Variants in SYT6 observed in about 807,000 individuals in gnomAD.
SYT6 encodes the protein synaptotagmin 6.
SYT6 carries 24 observed loss-of-function variants against 38.4 expected under a neutral mutation model. That is an observed-to-expected ratio of 0.62 (90% CI 0.45 to 0.88). The LOEUF is 0.88. Among genes scored for constraint, SYT6 ranks in the 40% least tolerant of loss-of-function variants. SYT6 has a pLI of 0.00. For missense variants in SYT6, 611 were observed against 621.0 expected, an observed-to-expected ratio of 0.98 and a Z score of 0.17; for synonymous variants, 265 against 241.9, an observed-to-expected ratio of 1.10 and a Z score of -0.89.
intron 1 of SYT6, among the ~76,000 whole-genome samples, chr1:114,148,214 C>T (rs1447440056): frequency 6.6e-6 from 1 of 152,190 alleles, no homozygotes; most frequent in Non-Finnish European, 1.5e-5. Context: ...CTAGTGCCCC[C>T]TCCCCTCTTC....
At chr1:114,110,611 C>T (rs1557740359) in intron 3 of SYT6, among the ~76,000 whole-genome samples, 1 of 152,114 alleles carries the variant, frequency 6.6e-6, no homozygotes, top group Non-Finnish European at 1.5e-5. Context: ...AAAGCAGAGC[C>T]CTTTGAGGAC....
At chr1:114,151,451 T>A (rs1198577400) in intron 1 of SYT6, among the ~76,000 whole-genome samples, 2 of 152,114 alleles carry the variant, frequency 1.3e-5, no homozygotes, top group Non-Finnish European at 2.9e-5. Context: ...AACCTGGCCA[T>A]CCAGGCACCT....
rs576232304 is a variant in SYT6, at chr1:114,096,689, G to A, written c.1515+1038C>T. ...GACTTCTCTGCATCATAGAGTGTGG[G>A]GAGGGGATGACTCTGTTTTGAAGGT... On this transcript the variant is annotated intron_variant, in intron 6 of 7. Coordinates refer to ENST00000610222, the MANE Select transcript of SYT6 (RefSeq NM_001253772.2). 6.6e-5 allele frequency among the ~76,000 whole-genome samples: 10 copies of A among 152,330 alleles called. No homozygotes were observed. In the South Asian group the frequency reaches 1.7e-3, roughly 25 times the overall value.
intron 3 of SYT6, among the ~76,000 whole-genome samples, chr1:114,105,311 C>CA (rs987794998): frequency 6.7e-6 from 1 of 150,064 alleles, no homozygotes; most frequent in Non-Finnish European, 1.5e-5. Context: ...GCCCTGTTCC[C>CA]CCCCTGGAGA....
chr1:114,115,313 C>A (rs1161196007), intron 3 of SYT6, among the ~76,000 whole-genome samples: 4 of 152,176 alleles, frequency 2.6e-5, no homozygotes. Flanking sequence ...GTTTCTTCCA[C>A]TTCTTTGAAT....
chr1:114,152,263 C>A (rs1679480245), intron 1 of SYT6: 1 of 152,398 alleles, frequency 6.6e-6, no homozygotes, highest in Non-Finnish European at 1.5e-5. Flanking sequence ...CCTGGAGCAG[C>A]GCGTGGGGAC....
At chr1:114,097,939 A>G (rs1242053009) in intron 5 of SYT6, 62 bp from the exon 6 acceptor site, 4 of 1,591,864 alleles carry the variant, frequency 2.5e-6, no homozygotes, top group Non-Finnish European at 2.6e-6. Context: ...AAGGAGGTCC[A>G]GTGTGGGGGG....
intron 1 of SYT6, among the ~76,000 whole-genome samples, chr1:114,146,542 G>A (rs1679163617): frequency 6.6e-6 from 1 of 152,162 alleles, no homozygotes; most frequent in South Asian, 2.1e-4. Flanking sequence ...GAACTTTGAT[G>A]GGCAACTCTG....
At chr1:114,098,586 C>G (rs1031912271) in intron 5 of SYT6, among the ~76,000 whole-genome samples, 1 of 152,178 alleles carries the variant, frequency 6.6e-6, no homozygotes, top group Admixed American at 6.5e-5. Flanking sequence ...AGGGAAAAGC[C>G]TGGATCACAG....
At chr1:114,118,574 C>T (rs112624338) in intron 3 of SYT6, among the ~76,000 whole-genome samples, 6 of 152,220 alleles carry the variant, frequency 3.9e-5, no homozygotes, top group African/African-American at 1.4e-4. Context: ...GGGGAGGCCA[C>T]AGCACGCAGG....
At chr1:114,104,174 C>A (rs1676136482) in intron 3 of SYT6, among the ~76,000 whole-genome samples, 1 of 152,242 alleles carries the variant, frequency 6.6e-6, no homozygotes, top group East Asian at 1.9e-4. Flanking sequence ...TAGACTTCAG[C>A]TGTCCCCTCT....
chr1:114,151,744 C>T (rs1028693793), intron 1 of SYT6, among the ~76,000 whole-genome samples: 4 of 152,102 alleles, frequency 2.6e-5, no homozygotes, highest in African/African-American at 9.7e-5. Flanking sequence ...TAGGGAGAGG[C>T]AGGAAGAGGC....
At chr1:114,094,208 G>A (rs1056748274) in intron 6 of SYT6, among the ~76,000 whole-genome samples, 2 of 152,222 alleles carry the variant, frequency 1.3e-5, no homozygotes, top group African/African-American at 2.4e-5. Context: ...AACAAAGGGA[G>A]GAGATGGGGT....
At chr1:114,109,475 C>T (rs938944894) in intron 3 of SYT6, among the ~76,000 whole-genome samples, 7 of 152,186 alleles carry the variant, frequency 4.6e-5, no homozygotes, top group African/African-American at 1.7e-4. Flanking sequence ...AGTAGTATGG[C>T]TTACTTAACC....
At chr1:114,093,923 C>T in intron 6 of SYT6, 120 bp from the exon 7 acceptor site, 1 of 930,426 alleles carries the variant, frequency 1.1e-6, no homozygotes, top group Non-Finnish European at 1.7e-6. Flanking sequence ...ATTTAACAGA[C>T]CTTCATTTTA....
chr1:114,128,575 C>A (rs1383312156), intron 3 of SYT6, among the ~76,000 whole-genome samples: 2 of 152,244 alleles, frequency 1.3e-5, no homozygotes, highest in Non-Finnish European at 1.5e-5. Flanking sequence ...AGTTGATCTT[C>A]CCCACTCGGG....
chr1:114,099,129 T>C lies in SYT6; in HGVS notation c.1329A>G (p.Gln443=). 1.9e-6 allele frequency: 3 copies of C among 1,614,072 alleles called. No individual in the cohort carries two copies. The highest frequency in any genetic ancestry group is 2.5e-6 in the Non-Finnish European group (3 of 1,179,944). ...CCATGACTGAGATGAGCAGGCTGAC[T>C]TGATCCATGTTTTCCGGGGGAATGT... The part of the protein sequence containing the change: ...IFDIPPENMD[Q]VSLLISVMDY... Residue 443 remains glutamine, a synonymous_variant, in exon 5 of 8, where the codon CAA becomes CAG. Transcript: ENST00000610222.
intron 3 of SYT6, among the ~76,000 whole-genome samples, chr1:114,115,876 C>T (rs1428057016): frequency 6.6e-6 from 1 of 152,150 alleles, no homozygotes; most frequent in Non-Finnish European, 1.5e-5. Context: ...GAAGGTGTTG[C>T]TCTTCTCCTC....
At position 114,102,176 on chromosome 1, in the gene SYT6, T is replaced by C. The variant is rs373610126; in HGVS notation, c.1192+1425A>G. Among the ~76,000 whole-genome samples the C allele has an allele frequency of 7.9e-5, 12 of 152,288 alleles. No individual in the cohort carries two copies. In the South Asian group the frequency reaches 1.2e-3, roughly 16 times the overall value. ...AAAATCCTATTTCCCTCAGCAGCCT[T>C]GAGAGTCTTCAGTGAATTTTCTTCC... is the stretch of plus-strand genomic sequence containing the variant. On this transcript the variant is annotated intron_variant, in intron 4 of 7. Transcript: ENST00000610222.
Sources: allele counts gnomAD v4.1 joint callset (sites outside exome capture counted in the v4.1 genomes callset), GRCh38; gene constraint gnomAD v4.1.1; transcripts MANE v1.5; gene names NCBI Gene and HGNC (gene_info 2026-07-23, HGNC 2026-07-21).